CSMD3: variants seen among roughly 807,000 people sequenced by gnomAD.
CSMD3 encodes CUB and sushi domain-containing protein 3.
A neutral mutation model predicts 435.2 loss-of-function variants in CSMD3; 177 were observed. The observed-to-expected ratio is 0.41, with a 90% CI of 0.36 to 0.46. The LOEUF is 0.46. CSMD3 is among the 20% of genes least tolerant of loss of function. The probability of loss-of-function intolerance (pLI) is 0.34; values close to 1 mark genes in which losing one functional copy is unlikely to be tolerated. For synonymous variants in CSMD3, 1,656 were observed against 1,520.5 expected (o/e 1.09, Z -2.07); for missense variants, 4,265 against 4,504.6 (o/e 0.95, Z 1.52).
At chr8:112,442,634 G>A (rs2130516488) in intron 32 of CSMD3, among the ~76,000 whole-genome samples, 1 of 152,068 alleles carries the variant, frequency 6.6e-6, no homozygotes, top group East Asian at 1.9e-4. Context: ...TTAGTTTTAA[G>A]TAGGGCAAAT....
At chr8:113,100,540 T>G (rs2090299014) in intron 4 of CSMD3, among the ~76,000 whole-genome samples, 1 of 152,122 alleles carries the variant, frequency 6.6e-6, no homozygotes. Flanking sequence ...GAGCTATTTA[T>G]TTTCCTTCCT....
intron 3 of CSMD3, among the ~76,000 whole-genome samples, chr8:113,181,901 T>C (rs1277339744): frequency 6.6e-6 from 1 of 152,090 alleles, no homozygotes; most frequent in African/African-American, 2.4e-5. Context: ...GACAAGTATC[T>C]GTATTAAGAC....
chr8:112,660,334 A>G (rs2075351167), intron 17 of CSMD3, among the ~76,000 whole-genome samples: 1 of 152,158 alleles, frequency 6.6e-6, no homozygotes, highest in Non-Finnish European at 1.5e-5. Flanking sequence ...CAAAGTGATT[A>G]TTTTATGTTG....
chr8:112,600,228 A>C (rs1279525969), intron 22 of CSMD3, among the ~76,000 whole-genome samples: 3 of 152,202 alleles, frequency 2.0e-5, no homozygotes, highest in East Asian at 1.9e-4. Context: ...CGATATATAT[A>C]ATAAAAAATG....
At chr8:112,936,872 A>G (rs1306829342) in intron 9 of CSMD3, among the ~76,000 whole-genome samples, 3 of 152,200 alleles carry the variant, frequency 2.0e-5, no homozygotes, top group Admixed American at 6.5e-5. Flanking sequence ...AAATATGTAC[A>G]TTTAAACTTT....
chr8:112,367,584 CTTA>C (rs568351012), intron 38 of CSMD3, among the ~76,000 whole-genome samples: 3 of 152,290 alleles, frequency 2.0e-5, no homozygotes, highest in South Asian at 4.1e-4. Context: ...TCAATTATAT[CTTA>C]TTAATATCTC....
intron 1 of CSMD3, among the ~76,000 whole-genome samples, chr8:113,355,721 T>A (rs2094219093): frequency 2.9e-5 from 2 of 69,494 alleles, no homozygotes; most frequent in African/African-American, 1.3e-4. Context: ...AAGTTTTATT[T>A]TTATATATAT....
chr8:113,412,935 G>A (rs1025442208), intron 1 of CSMD3, among the ~76,000 whole-genome samples: 1 of 152,046 alleles, frequency 6.6e-6, no homozygotes, highest in African/African-American at 2.4e-5. Context: ...ACGGACACTA[G>A]AGTAATCACA....
At chr8:113,170,787 T>G (rs556944026) in intron 4 of CSMD3, among the ~76,000 whole-genome samples, 6 of 152,038 alleles carry the variant, frequency 3.9e-5, no homozygotes, top group Non-Finnish European at 8.8e-5. Flanking sequence ...ATCAGTAAAT[T>G]TATTCATTAG....
intron 13 of CSMD3, among the ~76,000 whole-genome samples, chr8:112,729,630 A>C (rs1473311416): frequency 6.6e-6 from 1 of 152,068 alleles, no homozygotes; most frequent in African/African-American, 2.4e-5. Context: ...GTGAGCCCTA[A>C]ATGACATCAT....
At chr8:112,409,088 AC>A in intron 32 of CSMD3, 56 bp from the exon 33 acceptor site, 1 of 1,610,964 alleles carries the variant, frequency 6.2e-7, no homozygotes, top group Non-Finnish European at 8.5e-7. Context: ...AAAAACGAAA[AC>A]AAAAAACAAA....
At chr8:113,091,688 T>C (rs2090007933) in intron 5 of CSMD3, among the ~76,000 whole-genome samples, 2 of 149,028 alleles carry the variant, frequency 1.3e-5, no homozygotes, top group Admixed American at 6.8e-5. Context: ...TACTTTAGTC[T>C]GGTTAAAACT....
intron 4 of CSMD3, among the ~76,000 whole-genome samples, chr8:113,108,189 G>A (rs1195643206): frequency 2.6e-5 from 4 of 152,086 alleles, no homozygotes; most frequent in Non-Finnish European, 5.9e-5. Context: ...CAGCACTTCG[G>A]GAGGCCAAGG....
chr8:112,876,219 G>A (rs886495683), intron 10 of CSMD3, among the ~76,000 whole-genome samples: 1 of 152,050 alleles, frequency 6.6e-6, no homozygotes, highest in African/African-American at 2.4e-5. Flanking sequence ...ACCAGGACCA[G>A]ACAGATTCAT....
chr8:113,126,717 A>T (rs927846127), intron 4 of CSMD3, among the ~76,000 whole-genome samples: 1 of 151,872 alleles, frequency 6.6e-6, no homozygotes, highest in African/African-American at 2.4e-5. Flanking sequence ...CTCCTTTTTT[A>T]TGTTGTTTAT....
chr8:112,606,629 T>C (rs925426266), intron 22 of CSMD3, among the ~76,000 whole-genome samples: 4 of 152,112 alleles, frequency 2.6e-5, no homozygotes, highest in African/African-American at 4.8e-5. Context: ...TCAGGACATA[T>C]CACGTTAGGT....
At chr8:112,868,076 A>T (rs1022570394) in intron 10 of CSMD3, among the ~76,000 whole-genome samples, 1 of 151,560 alleles carries the variant, frequency 6.6e-6, no homozygotes, top group Non-Finnish European at 1.5e-5. Context: ...TTTATTTTTT[A>T]CTCTTTATAA....
At chr8:112,318,069 T>C (rs1214247117) in intron 47 of CSMD3, among the ~76,000 whole-genome samples, 1 of 152,064 alleles carries the variant, frequency 6.6e-6, no homozygotes, top group Admixed American at 6.6e-5. Context: ...AGGTCTATCT[T>C]TGCCTTGCTC....
At chr8:112,946,748 T>C (rs2083622222) in intron 9 of CSMD3, among the ~76,000 whole-genome samples, 1 of 151,720 alleles carries the variant, frequency 6.6e-6, no homozygotes, top group African/African-American at 2.4e-5. Context: ...CCTTCAAATA[T>C]TATTATCTGT....
Sources: gnomAD v4.1 joint callset for allele counts (sites outside exome capture counted in the v4.1 genomes callset) on GRCh38, gnomAD v4.1.1 for gene constraint, MANE v1.5 for transcripts, NCBI Gene and HGNC (gene_info 2026-07-23, HGNC 2026-07-21) for gene names.